Variants in LANCL2 observed in about 807,000 individuals in gnomAD.
LANCL2 encodes lanC-like protein 2.
A neutral mutation model predicts 56.9 loss-of-function variants in LANCL2; 33 were observed. The ratio of observed to expected loss-of-function variants is 0.58; its 90% CI spans 0.44 to 0.78. LANCL2 has a LOEUF of 0.78. LANCL2 is among the 30% of genes least tolerant of loss of function. The pLI is 0.00. For synonymous variants in LANCL2, 233 were observed against 228.2 expected, an observed-to-expected ratio of 1.02 and a Z score of -0.19; for missense variants, 562 against 580.2, an observed-to-expected ratio of 0.97 and a Z score of 0.32.
At chr7:55,383,647 C>T (rs1283340368) in intron 1 of LANCL2, among the ~76,000 whole-genome samples, 1 of 152,122 alleles carries the variant, frequency 6.6e-6, no homozygotes, top group East Asian at 1.9e-4. Flanking sequence ...AAACAGCTTG[C>T]CAAAGACCCC....
Position 55,432,026 on chromosome 7 carries a change from TGGGG to T in LANCL2, c.*707_*710del, listed in dbSNP as rs1196874938. On this transcript the variant is annotated 3_prime_UTR_variant, in exon 9 of 9. Transcript: ENST00000254770. ...GAGTCCAGGGCAGCTGGAGCTTTGT[TGGGG>T]AGACTTCTGGACCCAAAGGGAGCTT... 1.3e-5 allele frequency: 2 copies of T among 152,216 alleles called. No homozygotes were observed. The highest frequency in any genetic ancestry group is 2.9e-5 in the Non-Finnish European group (2 of 68,046). The allele number at this position is 152,216 out of a possible 1,614,324, so 9.4% of individuals were successfully genotyped here.
At chr7:55,402,397 C>G (rs1258125082) in intron 5 of LANCL2, among the ~76,000 whole-genome samples, 2 of 116,698 alleles carry the variant, frequency 1.7e-5, no homozygotes, top group African/African-American at 6.7e-5. Context: ...CCCTCACCTC[C>G]CGGACGGGGC....
chr7:55,392,570 A>T (rs953499183), intron 2 of LANCL2, among the ~76,000 whole-genome samples: 1 of 145,506 alleles, frequency 6.9e-6, no homozygotes, highest in African/African-American at 2.5e-5. Context: ...GTTGGTCTCA[A>T]ATTCCTGGGC....
At chr7:55,387,771 TACTTGG>T (rs765432591) in intron 1 of LANCL2, among the ~76,000 whole-genome samples, 7 of 152,216 alleles carry the variant, frequency 4.6e-5, no homozygotes, top group Non-Finnish European at 2.9e-5. Flanking sequence ...GTTTATGACA[TACTTGG>T]ACTTTGACTT....
chr7:55,427,466 G>C (rs568834505), intron 7 of LANCL2, among the ~76,000 whole-genome samples: 1 of 152,292 alleles, frequency 6.6e-6, no homozygotes, highest in East Asian at 1.9e-4. Flanking sequence ...AAGAAATGTT[G>C]AGTCATAAAC....
intron 1 of LANCL2, among the ~76,000 whole-genome samples, chr7:55,376,805 C>T (rs1197631907): frequency 1.3e-5 from 2 of 152,142 alleles, no homozygotes; most frequent in Non-Finnish European, 2.9e-5. Flanking sequence ...TTGGGGAGTA[C>T]CCAGTCTTAT....
intron 1 of LANCL2, among the ~76,000 whole-genome samples, chr7:55,382,533 A>T (rs573875834): frequency 3.9e-4 from 60 of 152,244 alleles, no homozygotes; most frequent in African/African-American, 1.4e-3. Flanking sequence ...TGTCTCTGAA[A>T]ACTTGGAATG....
At chr7:55,416,650 G>T (rs780990233) in intron 6 of LANCL2, among the ~76,000 whole-genome samples, 1 of 151,998 alleles carries the variant, frequency 6.6e-6, no homozygotes, top group African/African-American at 2.4e-5. Context: ...ATTTTTGAAA[G>T]AATTCTTTAT....
chr7:55,378,703 C>T (rs1025393181), intron 1 of LANCL2, among the ~76,000 whole-genome samples: 3 of 152,082 alleles, frequency 2.0e-5, no homozygotes, highest in Non-Finnish European at 4.4e-5. Flanking sequence ...AATTAGAATC[C>T]TCTTTTATGA....
intron 1 of LANCL2, among the ~76,000 whole-genome samples, chr7:55,369,167 T>C (rs995988502): frequency 1.3e-5 from 2 of 152,184 alleles, no homozygotes; most frequent in African/African-American, 4.8e-5. Context: ...GGCTGTAGGC[T>C]CCAGAACTAT....
intron 1 of LANCL2, among the ~76,000 whole-genome samples, chr7:55,385,587 G>A (rs964304407): frequency 1.5e-4 from 23 of 152,268 alleles, no homozygotes; most frequent in African/African-American, 4.1e-4. Flanking sequence ...GGGGGTATAC[G>A]AATAGGTGTG....
chr7:55,424,785 A>G (rs776123181), intron 6 of LANCL2, among the ~76,000 whole-genome samples: 4 of 152,176 alleles, frequency 2.6e-5, no homozygotes, highest in Middle Eastern at 3.2e-3. Context: ...CTTCAACTGT[A>G]TTTACAGTCG....
chr7:55,412,661 T>A (rs1377644381), intron 6 of LANCL2, among the ~76,000 whole-genome samples: 1 of 152,250 alleles, frequency 6.6e-6, no homozygotes, highest in Non-Finnish European at 1.5e-5. Flanking sequence ...TTGATTTCTG[T>A]CCTGGACTAA....
intron 1 of LANCL2, among the ~76,000 whole-genome samples, chr7:55,380,519 G>A (rs776189176): frequency 1.1e-4 from 16 of 151,950 alleles, no homozygotes; most frequent in Non-Finnish European, 2.1e-4. Context: ...TATAAAACTT[G>A]TATATAATAT....
In LANCL2 at chr7:55,366,239, C is replaced by T. The variant is rs1411359248; in HGVS notation, c.204+10C>T. ...TCATCAGGACGGGAAGGTGAGTCGG[C>T]GGCCTGGCCGCAGAGGCGCCGGAGG... On this transcript the variant is annotated intron_variant, in intron 1 of 8. Transcript: ENST00000254770. The T allele has an allele frequency of 1.1e-5, 17 of 1,479,926 alleles. No homozygotes were observed. Among genetic ancestry groups the T allele is most frequent in the Non-Finnish European group, 1.5e-5 (17 of 1,107,798 alleles). The allele number at this position is 1,479,926 out of a possible 1,614,324, so 91.7% of individuals were successfully genotyped here. A position where few individuals can be genotyped will look rare whatever the true frequency, so the allele number is the denominator to read the frequency against.
chr7:55,384,751 G>A (rs1790106437), intron 1 of LANCL2, among the ~76,000 whole-genome samples: 2 of 152,074 alleles, frequency 1.3e-5, no homozygotes, highest in Admixed American at 6.5e-5. Context: ...GGAGACAGAG[G>A]AGAATGAAAT....
intron 6 of LANCL2, among the ~76,000 whole-genome samples, chr7:55,423,171 G>A (rs1000139555): frequency 3.9e-5 from 6 of 152,194 alleles, no homozygotes; most frequent in African/African-American, 1.4e-4. Flanking sequence ...CTATAGTTCT[G>A]AATTCTTGGA....
Position 55,365,934 on chromosome 7 carries a change from C to A in LANCL2, c.-92C>A. ...CCTCGCTCCTCCTAGAGGACGCTCT[C>A]TGCGCGGGCCCTCGGAGGAGGCGGC... On this transcript the variant is annotated 5_prime_UTR_variant, in exon 1 of 9. It adds an upstream start codon to the 5' untranslated region. Transcript: ENST00000254770. The A allele has an allele frequency of 9.5e-7, 1 of 1,058,142 alleles. No homozygotes were observed. The highest frequency in any genetic ancestry group is 1.3e-6 in the Non-Finnish European group (1 of 772,866). 65.5% of individuals were successfully genotyped at this position (1,058,142 alleles called of 1,614,324 possible). A position where few individuals can be genotyped will look rare whatever the true frequency, so the allele number is the denominator to read the frequency against.
chr7:55,366,257 G>A lies in LANCL2; in HGVS notation c.204+28G>A. ...GAGTCGGCGGCCTGGCCGCAGAGGC[G>A]CCGGAGGGGGAGCGCGGCGGTGGTA... On this transcript the variant is annotated intron_variant, in intron 1 of 8. Transcript: ENST00000254770. The A allele has an allele frequency of 2.8e-6, 4 of 1,447,422 alleles. 1 individual carries two copies. Among genetic ancestry groups the A allele is most frequent in the Middle Eastern group, 2.3e-4 (1 of 4,300 alleles). The allele number at this position is 1,447,422 out of a possible 1,614,324, so 89.7% of individuals were successfully genotyped here. A position where few individuals can be genotyped will look rare whatever the true frequency, so the allele number is the denominator to read the frequency against.
Sources: allele counts gnomAD v4.1 joint callset (sites outside exome capture counted in the v4.1 genomes callset), GRCh38; gene constraint gnomAD v4.1.1; transcripts MANE v1.5; gene names NCBI Gene and HGNC (gene_info 2026-07-23, HGNC 2026-07-21).